Variants in BRD4 observed in about 807,000 individuals in gnomAD.
BRD4 encodes the protein bromodomain-containing protein 4.
BRD4 carries 16 observed loss-of-function variants against 142.1 expected under a neutral mutation model. The ratio of observed to expected loss-of-function variants is 0.11; its 90% CI spans 0.08 to 0.17. BRD4 has a LOEUF of 0.17. Ranked by LOEUF, BRD4 falls within the 10% of genes least tolerant of loss-of-function variation. The probability of loss-of-function intolerance (pLI) is 1.00; values close to 1 mark genes in which losing one functional copy is unlikely to be tolerated. For missense variants in BRD4, 1,424 were observed against 1,810.9 expected, an observed-to-expected ratio of 0.79 and a Z score of 3.88; for synonymous variants, 833 against 707.5, an observed-to-expected ratio of 1.18 and a Z score of -2.82.
intron 1 of BRD4, among the ~76,000 whole-genome samples, chr19:15,277,746 C>T (rs1175112607): frequency 2.0e-5 from 3 of 151,080 alleles, no homozygotes; most frequent in Non-Finnish European, 2.9e-5. Flanking sequence ...GCAGAGATGG[C>T]GCCACTATAC....
intron 1 of BRD4, among the ~76,000 whole-genome samples, chr19:15,292,841 T>C (rs2047794499): frequency 7.4e-6 from 1 of 135,586 alleles, no homozygotes; most frequent in African/African-American, 2.7e-5. Context: ...AAGAAAAGCC[T>C]GAAACATCCC....
chr19:15,257,715 C>T (rs1406949903), intron 7 of BRD4, among the ~76,000 whole-genome samples: 1 of 152,176 alleles, frequency 6.6e-6, no homozygotes, highest in Non-Finnish European at 1.5e-5. Flanking sequence ...AAGTCGGTCT[C>T]CTCATTCCTC....
intron 1 of BRD4, among the ~76,000 whole-genome samples, chr19:15,292,812 AAAAG>A (rs1555743198): frequency 2.3e-4 from 33 of 143,072 alleles, no homozygotes; most frequent in South Asian, 9.1e-4. Flanking sequence ...AAAAAAAAAA[AAAAG>A]AAAGAAAGAA....
intron 11 of BRD4, among the ~76,000 whole-genome samples, chr19:15,252,690 G>A (rs1019846847): frequency 6.6e-6 from 1 of 152,202 alleles, no homozygotes; most frequent in Non-Finnish European, 1.5e-5. Flanking sequence ...GAAGGATGGC[G>A]ACAGGGAAGG....
At chr19:15,258,665 A>C (rs976860770) in intron 7 of BRD4, among the ~76,000 whole-genome samples, 9 of 151,944 alleles carry the variant, frequency 5.9e-5, no homozygotes, top group Admixed American at 5.2e-4. Context: ...GAATGCAATC[A>C]ATGGCTCAAT....
At chr19:15,296,961 AT>A (rs1367886471) in intron 1 of BRD4, among the ~76,000 whole-genome samples, 2 of 152,136 alleles carry the variant, frequency 1.3e-5, no homozygotes, top group African/African-American at 2.4e-5. Flanking sequence ...AAACAAACAG[AT>A]ACTTCAAAGC....
intron 1 of BRD4, among the ~76,000 whole-genome samples, chr19:15,283,008 T>C (rs1056155867): frequency 2.0e-5 from 3 of 152,120 alleles, no homozygotes; most frequent in African/African-American, 7.2e-5. Context: ...TGAAACGCAA[T>C]GTGACATGAC....
At chr19:15,247,920 G>A (rs1000721864) in intron 11 of BRD4, 1 of 226,042 alleles carries the variant, frequency 4.4e-6, no homozygotes, top group Non-Finnish European at 8.8e-6. Flanking sequence ...TGCTTCCACA[G>A]CAAATCTGGG....
At chr19:15,259,578 T>A (rs1395081381) in intron 7 of BRD4, among the ~76,000 whole-genome samples, 1 of 152,224 alleles carries the variant, frequency 6.6e-6, no homozygotes, top group Non-Finnish European at 1.5e-5. Context: ...TCCTGGCGTG[T>A]CCAGTTGTGT....
chr19:15,240,246 C>T (rs777015052), intron 14 of BRD4, among the ~76,000 whole-genome samples: 1 of 152,140 alleles, frequency 6.6e-6, no homozygotes, highest in Non-Finnish European at 1.5e-5. Flanking sequence ...TGCCCTGTGT[C>T]CCCCTGCATG....
chr19:15,253,685 C>T (rs1279156390), intron 11 of BRD4: 1 of 1,598,470 alleles, frequency 6.3e-7, no homozygotes, highest in East Asian at 2.2e-5. Context: ...TCCACATCCA[C>T]CAGAAACCAG....
At chr19:15,279,930 C>T (rs937352952) in intron 1 of BRD4, among the ~76,000 whole-genome samples, 4 of 152,172 alleles carry the variant, frequency 2.6e-5, no homozygotes, top group African/African-American at 9.7e-5. Flanking sequence ...TAGAAAGACG[C>T]CAGGGAAGGC....
At chr19:15,331,608 C>T (rs2048159307) in intron 1 of BRD4, among the ~76,000 whole-genome samples, 1 of 152,184 alleles carries the variant, frequency 6.6e-6, no homozygotes, top group East Asian at 1.9e-4. Context: ...GCCGCAGCCA[C>T]CTCCCTCCGC....
intron 1 of BRD4, among the ~76,000 whole-genome samples, chr19:15,298,907 G>C (rs1327415397): frequency 6.6e-6 from 1 of 152,110 alleles, no homozygotes; most frequent in Non-Finnish European, 1.5e-5. Flanking sequence ...AATTTCCTAG[G>C]ATTCTGGCAT....
chr19:15,256,944 G>A lies in BRD4; in HGVS notation c.1551+20C>T. ...TCCACGGACTCTGGGGATTAAGAATGGAGCCACCAATGCCCTCACCTGCTC... is the reference window on the plus strand; with the variant it reads ...TCCACGGACTCTGGGGATTAAGAATAGAGCCACCAATGCCCTCACCTGCTC... On this transcript the variant is annotated intron_variant, in intron 8 of 19. Coordinates refer to ENST00000679869, the MANE Select transcript of BRD4 (RefSeq NM_001379291.1). 1 of 1,543,160 alleles carries A rather than the reference G, an allele frequency of 6.5e-7. No individual in the cohort carries two copies. Among genetic ancestry groups the A allele is most frequent in the Non-Finnish European group, 8.8e-7 (1 of 1,142,360 alleles).
At chr19:15,288,637 C>T (rs968017899) in intron 1 of BRD4, among the ~76,000 whole-genome samples, 7 of 152,220 alleles carry the variant, frequency 4.6e-5, no homozygotes, top group African/African-American at 1.4e-4. Flanking sequence ...TTTACCAAAG[C>T]AGCCGAGCAG....
chr19:15,308,156 GGGGGGGGGT>G (rs1306917208), intron 1 of BRD4, among the ~76,000 whole-genome samples: 5 of 46,636 alleles, frequency 1.1e-4, no homozygotes, highest in African/African-American at 3.9e-4. Context: ...CCGGGGGGGG[GGGGGGGGGT>G]GGGTCGCGTA....
chr19:15,245,180 G>GA (rs2145519502), intron 11 of BRD4, among the ~76,000 whole-genome samples: 1 of 152,146 alleles, frequency 6.6e-6, no homozygotes, highest in East Asian at 1.9e-4. Context: ...TTACAGCTGA[G>GA]AAAAGTGGGG....
chr19:15,284,623 C>A (rs1040701807), intron 1 of BRD4, among the ~76,000 whole-genome samples: 3 of 152,198 alleles, frequency 2.0e-5, no homozygotes, highest in Non-Finnish European at 4.4e-5. Context: ...GCAAGCCACC[C>A]AGATAACCCA....
Sources: allele counts gnomAD v4.1 joint callset (sites outside exome capture counted in the v4.1 genomes callset), GRCh38; gene constraint gnomAD v4.1.1; transcripts MANE v1.5; gene names NCBI Gene and HGNC (gene_info 2026-07-23, HGNC 2026-07-21).